The following DENND5B variants were observed in gnomAD, a reference collection of about 807,000 sequenced individuals.
DENND5B encodes the protein DENN domain containing 5B.
DENND5B carries 34 observed loss-of-function variants against 140.6 expected under a neutral mutation model. The ratio of observed to expected loss-of-function variants is 0.24; its 90% CI spans 0.18 to 0.32. The LOEUF (loss-of-function observed/expected upper bound fraction) is 0.32. DENND5B is among the 10% of genes least tolerant of loss of function. The probability of loss-of-function intolerance (pLI) is 1.00; values close to 1 mark genes in which losing one functional copy is unlikely to be tolerated. For missense variants in DENND5B, 1,142 were observed against 1,560.2 expected, an observed-to-expected ratio of 0.73 and a Z score of 4.52; for synonymous variants, 551 against 562.1, an observed-to-expected ratio of 0.98 and a Z score of 0.28.
intron 1 of DENND5B, among the ~76,000 whole-genome samples, chr12:31,548,393 A>G (rs1045776873): frequency 1.0e-5 from 1 of 100,420 alleles, no homozygotes; most frequent in Non-Finnish European, 2.0e-5. Flanking sequence ...TCAAAAAACA[A>G]AAAAAAAAGA....
chr12:31,480,139 A>T lies in DENND5B; in HGVS notation c.354T>A (p.Thr118=), dbSNP rs1946006185. The change falls in exon 3 of 21, where the codon ACT becomes ACA. Residue 118 remains threonine, a synonymous_variant. Transcript: ENST00000389082. ...GCTTACTTGTAACTTCTTCATAAAA[A>T]GTGAGAACAAAACCATAGGTGCGAG... The part of the protein sequence containing the change: ...DGSRTYGFVL[T]FYEEVTSKQI... 1 of 1,611,084 alleles carries T rather than the reference A, an allele frequency of 6.2e-7. No homozygotes were observed. The highest frequency in any genetic ancestry group is 1.7e-5 in the Admixed American group (1 of 59,332).
chr12:31,389,779 A>G (rs1043945096), intron 19 of DENND5B, among the ~76,000 whole-genome samples: 1 of 152,214 alleles, frequency 6.6e-6, no homozygotes, highest in African/African-American at 2.4e-5. Flanking sequence ...GGCAAAAAAG[A>G]AAACAAAAAT....
chr12:31,448,867 A>C (rs543620970), intron 5 of DENND5B, among the ~76,000 whole-genome samples: 121 of 152,166 alleles, frequency 8.0e-4, no homozygotes, highest in African/African-American at 2.4e-3. Context: ...ACAAACAAAA[A>C]CAAATCATTG....
chr12:31,412,594 T>C (rs939479550), intron 13 of DENND5B, among the ~76,000 whole-genome samples: 2 of 152,152 alleles, frequency 1.3e-5, no homozygotes, highest in Non-Finnish European at 2.9e-5. Flanking sequence ...AATGCTTGCT[T>C]GCCCTCGGCT....
At chr12:31,589,229 A>T (rs1271792403) in intron 1 of DENND5B, among the ~76,000 whole-genome samples, 1 of 152,196 alleles carries the variant, frequency 6.6e-6, no homozygotes, top group African/African-American at 2.4e-5. Context: ...TTCCTTCACC[A>T]ATCTCGAGAA....
intron 9 of DENND5B, 129 bp from the exon 10 acceptor site, chr12:31,424,816 G>A (rs1943164322): frequency 5.0e-6 from 6 of 1,206,102 alleles, no homozygotes; most frequent in Middle Eastern, 4.6e-4. Flanking sequence ...ATCACCTTGG[G>A]AAAAAAATCT....
chr12:31,395,942 C>CT (rs1491575776), intron 17 of DENND5B, among the ~76,000 whole-genome samples: 1 of 91,822 alleles, frequency 1.1e-5, no homozygotes, highest in Non-Finnish European at 2.1e-5. Context: ...ATCACTGGGC[C>CT]AAAAAAAAAA....
intron 1 of DENND5B, among the ~76,000 whole-genome samples, chr12:31,522,850 G>A (rs930825511): frequency 1.3e-5 from 2 of 152,086 alleles, no homozygotes; most frequent in Non-Finnish European, 2.9e-5. Context: ...TTAGGCAGGA[G>A]GGAGTGGGGC....
intron 11 of DENND5B, among the ~76,000 whole-genome samples, chr12:31,419,133 C>T (rs1942903669): frequency 1.3e-5 from 2 of 152,214 alleles, no homozygotes; most frequent in Non-Finnish European, 2.9e-5. Flanking sequence ...ATGAATCCTA[C>T]TCCAGCTAGA....
chr12:31,399,629 T>G, intron 16 of DENND5B, 25 bp downstream of exon 16: 1 of 1,582,262 alleles, frequency 6.3e-7, no homozygotes, highest in South Asian at 1.1e-5. Flanking sequence ...CAAAGAATTC[T>G]GAGTTCCCAA....
intron 14 of DENND5B, among the ~76,000 whole-genome samples, chr12:31,408,624 CAAAAAAAAAA>C (rs33965275): frequency 1.2e-3 from 88 of 71,962 alleles, no homozygotes; most frequent in African/African-American, 5.2e-3. Flanking sequence ...GAGACTCTAT[CAAAAAAAAAA>C]AAAAAAAAAA....
intron 1 of DENND5B, among the ~76,000 whole-genome samples, chr12:31,511,304 G>T (rs1337396803): frequency 2.6e-5 from 4 of 152,130 alleles, no homozygotes; most frequent in African/African-American, 9.7e-5. Flanking sequence ...CTGTCCAGAA[G>T]AGAGGAGTTT....
At chr12:31,528,179 C>T (rs1236064656) in intron 1 of DENND5B, among the ~76,000 whole-genome samples, 1 of 152,182 alleles carries the variant, frequency 6.6e-6, no homozygotes, top group Non-Finnish European at 1.5e-5. Context: ...GGTCTGAAAT[C>T]AAGGTGTCAG....
chr12:31,586,863 T>C (rs997352657), intron 1 of DENND5B, among the ~76,000 whole-genome samples: 2 of 152,224 alleles, frequency 1.3e-5, no homozygotes, highest in Admixed American at 1.3e-4. Flanking sequence ...AAATAGAAAC[T>C]TGACTATCAT....
chr12:31,429,396 T>G (rs1206057530), intron 8 of DENND5B, among the ~76,000 whole-genome samples: 1 of 152,156 alleles, frequency 6.6e-6, no homozygotes, highest in Non-Finnish European at 1.5e-5. Flanking sequence ...AGGTTAGTTT[T>G]TATTTATTTA....
chr12:31,403,518 G>A (rs1267237367), intron 14 of DENND5B, among the ~76,000 whole-genome samples: 8 of 151,192 alleles, frequency 5.3e-5, no homozygotes, highest in African/African-American at 9.7e-5. Context: ...ACTTGAACCC[G>A]GGAGGCAGAG....
chr12:31,432,476 ACAAT>A (rs1943552169), intron 8 of DENND5B: 1 of 152,116 alleles, frequency 6.6e-6, no homozygotes, highest in African/African-American at 2.4e-5. Flanking sequence ...AAGAAACGAA[ACAAT>A]CAGGCTGGGC....
intron 1 of DENND5B, among the ~76,000 whole-genome samples, chr12:31,525,272 A>C (rs1443551431): frequency 6.6e-6 from 1 of 152,256 alleles, no homozygotes; most frequent in Non-Finnish European, 1.5e-5. Context: ...ATAATAGCCC[A>C]AAAGTAGAAA....
chr12:31,441,967 G>A (rs1390450742), intron 7 of DENND5B, among the ~76,000 whole-genome samples: 2 of 152,226 alleles, frequency 1.3e-5, no homozygotes, highest in East Asian at 1.9e-4. Flanking sequence ...ACAGGCGTGA[G>A]CCACCATGCC....
Sources: gnomAD v4.1 joint callset for allele counts (sites outside exome capture counted in the v4.1 genomes callset) on GRCh38, gnomAD v4.1.1 for gene constraint, MANE v1.5 for transcripts, NCBI Gene and HGNC (gene_info 2026-07-23, HGNC 2026-07-21) for gene names.